Variants in DYDC2 observed in about 807,000 individuals in gnomAD.
DYDC2 encodes DPY30 domain-containing protein 2.
DYDC2 carries 19 observed loss-of-function variants against 18.7 expected under a neutral mutation model. That is an observed-to-expected ratio of 1.02 (90% CI 0.71 to 1.49). The LOEUF (loss-of-function observed/expected upper bound fraction) is 1.49. DYDC2 is among the 40% of genes most tolerant of loss of function. The pLI is 0.00. For missense variants in DYDC2, 179 were observed against 205.1 expected (o/e 0.87, Z 0.78); for synonymous variants, 63 against 67.6 (o/e 0.93, Z 0.34).
intron 4 of DYDC2, among the ~76,000 whole-genome samples, chr10:80,363,652 A>C (rs1461533606): frequency 6.6e-6 from 1 of 151,982 alleles, no homozygotes; most frequent in Non-Finnish European, 1.5e-5. Flanking sequence ...CCAGCCAAAA[A>C]ATCTGATTTT....
intron 1 of DYDC2, among the ~76,000 whole-genome samples, chr10:80,357,027 G>A (rs1220269891): frequency 1.4e-5 from 2 of 145,296 alleles, no homozygotes. Context: ...TGCAGGCGCG[G>A]GGCGCCCGGC....
chr10:80,349,277 T>G (rs1448934620), intron 1 of DYDC2, among the ~76,000 whole-genome samples: 1 of 152,244 alleles, frequency 6.6e-6, no homozygotes, highest in Non-Finnish European at 1.5e-5. Context: ...TTTTAAAAAC[T>G]TTTTTAAATT....
intron 1 of DYDC2, among the ~76,000 whole-genome samples, chr10:80,347,395 T>A (rs1842734428): frequency 6.8e-6 from 1 of 146,948 alleles, no homozygotes; most frequent in Non-Finnish European, 1.5e-5. Flanking sequence ...CTTCTCCCAA[T>A]CCATAGGCTG....
At chr10:80,345,097 T>G (rs1184697858) in intron 1 of DYDC2, among the ~76,000 whole-genome samples, 2 of 152,182 alleles carry the variant, frequency 1.3e-5, no homozygotes, top group East Asian at 3.9e-4. Flanking sequence ...ATCATATTAC[T>G]CAACAGCAGC....
At chr10:80,350,720 A>T (rs1356122629) in intron 1 of DYDC2, among the ~76,000 whole-genome samples, 2 of 152,186 alleles carry the variant, frequency 1.3e-5, no homozygotes, top group African/African-American at 2.4e-5. Flanking sequence ...TTAAATATGT[A>T]AATTTGAGTC....
intron 1 of DYDC2, among the ~76,000 whole-genome samples, chr10:80,345,610 A>T (rs935894900): frequency 5.3e-5 from 8 of 152,150 alleles, no homozygotes; most frequent in Non-Finnish European, 1.0e-4. Context: ...ACCTCTTGGT[A>T]ACCACTGTTC....
At chr10:80,364,434 T>A (rs563102541) in intron 4 of DYDC2, among the ~76,000 whole-genome samples, 2 of 152,208 alleles carry the variant, frequency 1.3e-5, no homozygotes, top group African/African-American at 2.4e-5. Context: ...CATGCTTTAC[T>A]GTTAATAGAA....
chr10:80,360,483 T>C (rs1432257535), intron 2 of DYDC2, among the ~76,000 whole-genome samples: 1 of 152,116 alleles, frequency 6.6e-6, no homozygotes, highest in Non-Finnish European at 1.5e-5. Context: ...TCCAGGATAA[T>C]CCCCCTATCT....
intron 4 of DYDC2, among the ~76,000 whole-genome samples, chr10:80,365,343 C>T (rs192581526): frequency 1.3e-5 from 2 of 152,242 alleles, no homozygotes; most frequent in East Asian, 1.9e-4. Context: ...TTAAGTCAGG[C>T]AGAGGTTATC....
chr10:80,365,912 C>T (rs993035450), intron 4 of DYDC2, among the ~76,000 whole-genome samples: 2 of 151,842 alleles, frequency 1.3e-5, no homozygotes, highest in African/African-American at 4.8e-5. Flanking sequence ...TCTGCTGATA[C>T]ATCTTAACTC....
At chr10:80,353,101 C>T (rs76200242), upstream of DYDC2, among the ~76,000 whole-genome samples, 6,703 of 152,102 alleles carry the variant, frequency 0.044, 456 homozygotes, top group African/African-American at 0.15. Context: ...AAATGTTCCT[C>T]CTAAGCCATG....
intron 3 of DYDC2, among the ~76,000 whole-genome samples, 178 bp downstream of exon 3, chr10:80,362,768 G>C (rs943963871): frequency 8.5e-5 from 13 of 152,116 alleles, no homozygotes; most frequent in Non-Finnish European, 1.5e-5. Flanking sequence ...GAGGAGTGGA[G>C]CTTCAACTCA....
At position 80,366,783 on chromosome 10, in the gene DYDC2, GC is replaced by G. The variant is rs1404038185; in HGVS notation, c.368del (p.Pro123GlnfsTer6). 1.9e-6 allele frequency: 3 copies of G among 1,614,076 alleles called. No homozygotes were observed. Among genetic ancestry groups the G allele is most frequent in the South Asian group, 2.2e-5 (2 of 91,088 alleles). On this transcript the variant is annotated frameshift_variant, in exon 5 of 5. Transcript: ENST00000256039. LOFTEE classifies it high-confidence loss of function. ...AGGAGGCCTTGAAGCAGGAATTCCT[GC>G]CAGGTACTTCCAGTCTGATTCCAGG... ...EKEALKQEFL[P>X]GTSSLIPGMP...
chr10:80,352,449 A>T (rs1843053737), upstream of DYDC2: 1 of 1,593,002 alleles, frequency 6.3e-7, no homozygotes, highest in East Asian at 2.3e-5. Context: ...GGAGATTCCT[A>T]CTTACCAGTT....
upstream of DYDC2, chr10:80,356,718 A>G (rs1398745043): frequency 8.1e-6 from 8 of 984,696 alleles, no homozygotes; most frequent in East Asian, 8.0e-4. Flanking sequence ...TCACCCCTAC[A>G]CACGCGCCTG....
intron 2 of DYDC2, among the ~76,000 whole-genome samples, chr10:80,361,801 A>AT: frequency 6.6e-6 from 1 of 152,150 alleles, no homozygotes; most frequent in Admixed American, 6.5e-5. Flanking sequence ...CAACGATTGT[A>AT]TTTTTTAGAA....
At chr10:80,346,054 C>T (rs1842602700) in intron 1 of DYDC2, among the ~76,000 whole-genome samples, 1 of 152,104 alleles carries the variant, frequency 6.6e-6, no homozygotes, top group Non-Finnish European at 1.5e-5. Flanking sequence ...CCCTATGTTG[C>T]CCAAGCTGGT....
intron 1 of DYDC2, among the ~76,000 whole-genome samples, chr10:80,346,444 CTTTTTTTTTTTTTTTTT>C (rs1032729095): frequency 1.2e-5 from 1 of 83,360 alleles, no homozygotes; most frequent in Non-Finnish European, 2.2e-5. Flanking sequence ...TCTTCCCTTT[CTTTTTTTTTTTTTTTTT>C]TTTTTTTTTT....
chr10:80,357,871 A>G (rs1444215463), intron 1 of DYDC2, 22 bp from the exon 2 acceptor site: 97 of 985,394 alleles, frequency 9.8e-5, no homozygotes, highest in Non-Finnish European at 1.2e-4. Flanking sequence ...CTCTCAATGA[A>G]TAAGTCAAGA....
Sources: gnomAD v4.1 joint callset for allele counts (sites outside exome capture counted in the v4.1 genomes callset) on GRCh38, gnomAD v4.1.1 for gene constraint, MANE v1.5 for transcripts, NCBI Gene and HGNC (gene_info 2026-07-23, HGNC 2026-07-21) for gene names.